Variants in CASR observed in about 807,000 individuals in gnomAD.
CASR encodes extracellular calcium-sensing receptor.
A neutral mutation model predicts 69.1 loss-of-function variants in CASR; 23 were observed. The observed-to-expected ratio is 0.33, with a 90% CI of 0.24 to 0.47. The LOEUF (loss-of-function observed/expected upper bound fraction) is 0.47. CASR is among the 20% of genes least tolerant of loss of function. CASR has a pLI of 1.00. For missense variants in CASR, 924 were observed against 1,356.1 expected, an observed-to-expected ratio of 0.68 and a Z score of 5.00; for synonymous variants, 541 against 544.7, an observed-to-expected ratio of 0.99 and a Z score of 0.10.
intron 1 of CASR, among the ~76,000 whole-genome samples, chr3:122,250,254 A>G (rs1422098963): frequency 6.6e-6 from 1 of 152,056 alleles, no homozygotes; most frequent in Non-Finnish European, 1.5e-5. Flanking sequence ...TTGGAAGCAA[A>G]TTCGACCCTG....
At chr3:122,248,752 C>G (rs539651440) in intron 1 of CASR, among the ~76,000 whole-genome samples, 2 of 152,096 alleles carry the variant, frequency 1.3e-5, no homozygotes, top group East Asian at 3.9e-4. Context: ...TCATTTTGCT[C>G]TAGAGATTCA....
chr3:122,239,808 A>G (rs1315618667), intron 1 of CASR, among the ~76,000 whole-genome samples: 1 of 152,236 alleles, frequency 6.6e-6, no homozygotes, highest in Non-Finnish European at 1.5e-5. Context: ...GGTCTTATCC[A>G]AGACCCCTAT....
In CASR at chr3:122,291,083, T is replaced by G. The variant is rs527640347; in HGVS notation, c.*5892T>G. ...CTCCTCATTTTTTATGGCTGCATAG[T>G]ATTCCATGGTGTATATGTGCCACAT... On this transcript the variant is annotated 3_prime_UTR_variant, in exon 7 of 7. Transcript: ENST00000639785. 6.8e-6 allele frequency: 1 copy of G among 146,166 alleles called. No individual in the cohort carries two copies. The highest frequency in any genetic ancestry group is 2.0e-4 in the East Asian group (1 of 5,062). The allele number at this position is 146,166 out of a possible 1,614,324, so 9.1% of individuals were successfully genotyped here.
intron 1 of CASR, among the ~76,000 whole-genome samples, chr3:122,227,905 AAAAT>A (rs1268402995): frequency 1.3e-5 from 2 of 151,668 alleles, no homozygotes; most frequent in Non-Finnish European, 2.9e-5. Flanking sequence ...AAACTAGTTA[AAAAT>A]AAATAAATAA....
intron 1 of CASR, among the ~76,000 whole-genome samples, chr3:122,219,663 G>A (rs1029519392): frequency 5.9e-5 from 9 of 152,232 alleles, no homozygotes; most frequent in African/African-American, 2.2e-4. Context: ...CAACACTGGA[G>A]GTTAAAGTGG....
Position 122,244,304 on chromosome 3 carries a change from T to A in CASR, c.-242-9644T>A, listed in dbSNP as rs543096034. Among the ~76,000 whole-genome samples, 349 of 152,116 alleles carry A rather than the reference T, an allele frequency of 2.3e-3. 2 individuals carry two copies. Among genetic ancestry groups the A allele is most frequent in the African/African-American group, 7.8e-3 (325 of 41,534 alleles). On this transcript the variant is annotated intron_variant, in intron 1 of 6. Coordinates refer to ENST00000639785, the MANE Select transcript of CASR (RefSeq NM_000388.4). ...ATCTCAGGTACCCCAGAAATATATA[T>A]ACCTGCTGTGTACCCACAAAAATTA... is the stretch of plus-strand genomic sequence containing the variant.
chr3:122,261,205 C>T (rs1559958557), intron 3 of CASR, among the ~76,000 whole-genome samples: 1 of 152,176 alleles, frequency 6.6e-6, no homozygotes. Flanking sequence ...CATAAAGACT[C>T]TTCTTGAAAG....
At chr3:122,248,014 A>G (rs546860609) in intron 1 of CASR, among the ~76,000 whole-genome samples, 1 of 152,286 alleles carries the variant, frequency 6.6e-6, no homozygotes, top group African/African-American at 2.4e-5. Context: ...ACTCCCCAAA[A>G]GTCACACCTG....
rs1490408255 is a variant in CASR at position 122,262,334 on chromosome 3, T to C, written c.1299T>C (p.Asp433=). ...AVYSIAHALQ[D]IYTCLPGRGL... is the part of the protein sequence containing the mutation. ...ACTCCATTGCCCACGCCTTGCAAGA[T>C]ATATATACCTGCTTACCTGGGAGAG... The change falls in exon 4 of 7, where the codon GAT becomes GAC. Residue 433 remains aspartate (D), a synonymous_variant. Transcript: ENST00000639785. The C allele has an allele frequency of 4.3e-6, 7 of 1,614,070 alleles. No homozygotes were observed. The highest frequency in any genetic ancestry group is 1.3e-5 in the African/African-American group (1 of 75,044).
intron 1 of CASR, among the ~76,000 whole-genome samples, chr3:122,210,231 T>C (rs1325522201): frequency 6.6e-6 from 1 of 152,178 alleles, no homozygotes; most frequent in African/African-American, 2.4e-5. Flanking sequence ...TTGGAAGTTC[T>C]GGCCAGGGCA....
Position 122,271,736 on chromosome 3 carries a change from T to A in CASR, c.1378-4076T>A, listed in dbSNP as rs535639853. ...TTCACCACATCAAAAAGCAACCTCA[T>A]ATCCTCTAACTGTCACTCCCTAGGC... On this transcript the variant is annotated intron_variant, in intron 4 of 6. Coordinates refer to ENST00000639785, the MANE Select transcript of CASR (RefSeq NM_000388.4). Among the ~76,000 whole-genome samples the A allele has an allele frequency of 2.1e-4, 32 of 152,314 alleles. No homozygotes were observed. The South Asian group carries it at 6.4e-3, about 31-fold the overall frequency.
chr3:122,194,986 C>A (rs543757166), intron 1 of CASR, among the ~76,000 whole-genome samples: 2 of 129,866 alleles, frequency 1.5e-5, no homozygotes, highest in East Asian at 4.3e-4. Context: ...TTACTTTTTC[C>A]TCCTCCTCCT....
chr3:122,231,314 G>A (rs1339720872), intron 1 of CASR, among the ~76,000 whole-genome samples: 1 of 152,120 alleles, frequency 6.6e-6, no homozygotes, highest in Non-Finnish European at 1.5e-5. Flanking sequence ...AGGCATTCTA[G>A]GACTGGTCAG....
chr3:122,209,490 A>G (rs1386427257), intron 1 of CASR, among the ~76,000 whole-genome samples: 1 of 152,238 alleles, frequency 6.6e-6, no homozygotes, highest in Non-Finnish European at 1.5e-5. Flanking sequence ...AGCAGGTCGC[A>G]TCTTATGTGG....
intron 1 of CASR, among the ~76,000 whole-genome samples, chr3:122,226,512 C>G (rs1354580215): frequency 6.6e-6 from 1 of 152,206 alleles, no homozygotes; most frequent in Non-Finnish European, 1.5e-5. Flanking sequence ...CGGGTTGCCA[C>G]TGCTGTCTCG....
intron 1 of CASR, among the ~76,000 whole-genome samples, chr3:122,193,204 GTGTT>G (rs35728846): frequency 0.058 from 8,192 of 140,376 alleles, 239 homozygotes; most frequent in African/African-American, 0.08. Context: ...TTTTTTGTTT[GTGTT>G]TGTTTGTTTG....
chr3:122,249,519 T>C (rs998264186), intron 1 of CASR, among the ~76,000 whole-genome samples: 1 of 152,244 alleles, frequency 6.6e-6, no homozygotes, highest in Non-Finnish European at 1.5e-5. Flanking sequence ...CATTGACTGG[T>C]CTGCCCTCAT....
intron 4 of CASR, among the ~76,000 whole-genome samples, chr3:122,267,486 A>C (rs923373882): frequency 2.6e-5 from 4 of 152,202 alleles, no homozygotes; most frequent in Non-Finnish European, 5.9e-5. Context: ...GGATACGGAG[A>C]AGGATCTACT....
At chr3:122,228,346 A>G (rs2074246107) in intron 1 of CASR, among the ~76,000 whole-genome samples, 1 of 152,160 alleles carries the variant, frequency 6.6e-6, no homozygotes, top group Non-Finnish European at 1.5e-5. Flanking sequence ...GCATATAATG[A>G]GCATTTTCCT....
Sources: gnomAD v4.1 joint callset for allele counts (sites outside exome capture counted in the v4.1 genomes callset) on GRCh38, gnomAD v4.1.1 for gene constraint, MANE v1.5 for transcripts, NCBI Gene and HGNC (gene_info 2026-07-23, HGNC 2026-07-21) for gene names.